Variants in KCNAB2 observed in about 807,000 individuals in gnomAD.
The protein encoded by KCNAB2 is potassium voltage-gated channel subfamily A regulatory beta subunit 2, also known as voltage-gated potassium channel subunit beta-2.
In KCNAB2, 29 loss-of-function variants were observed where a neutral mutation model predicts 63.6. That is an observed-to-expected ratio of 0.46 (90% CI 0.34 to 0.62). The LOEUF (loss-of-function observed/expected upper bound fraction) is 0.62, where lower values mean the gene tolerates loss of function less well. Ranked by LOEUF, KCNAB2 falls within the 20% of genes least tolerant of loss-of-function variation. The probability of loss-of-function intolerance (pLI) is 0.01; values close to 1 mark genes in which losing one functional copy is unlikely to be tolerated. For missense variants in KCNAB2, 359 were observed against 563.9 expected (o/e 0.64, Z 3.68); for synonymous variants, 222 against 224.2 (o/e 0.99, Z 0.09).
upstream of KCNAB2, among the ~76,000 whole-genome samples, chr1:6,045,433 G>A (rs1442620794): frequency 6.6e-6 from 1 of 152,188 alleles, no homozygotes; most frequent in Non-Finnish European, 1.5e-5. This position sits in a 1 kb window ranked among gnomAD's most constrained non-coding sequence, Gnocchi z 4.8. Flanking sequence ...CCCCAGGTCA[G>A]GACATGTGCC....
intron 12 of KCNAB2, 22 bp downstream of exon 12, chr1:6,095,465 G>A (rs374433459): frequency 2.3e-5 from 36 of 1,586,330 alleles, no homozygotes; most frequent in Middle Eastern, 3.4e-4. Flanking sequence ...CGGGCCCCTC[G>A]CCCCGCCCCA....
chr1:6,070,788 A>G (rs1270856131), intron 2 of KCNAB2, among the ~76,000 whole-genome samples: 1 of 151,900 alleles, frequency 6.6e-6, no homozygotes, highest in Non-Finnish European at 1.5e-5. Context: ...ACTCCATAAA[A>G]TGCCCGGTGT....
upstream of KCNAB2, chr1:6,041,826 C>T (rs1264557983): frequency 8.7e-6 from 14 of 1,612,592 alleles, no homozygotes; most frequent in Admixed American, 1.7e-5. Flanking sequence ...CATTGCTGTC[C>T]GAAGTACTCG....
chr1:6,100,349 C>A lies in KCNAB2; in HGVS notation c.*1775C>A. 1 of 269,476 alleles carries A rather than the reference C, an allele frequency of 3.7e-6. No individual in the cohort carries two copies. The highest frequency in any genetic ancestry group is 7.0e-6 in the Non-Finnish European group (1 of 143,732). 16.7% of individuals were successfully genotyped at this position (269,476 alleles called of 1,614,324 possible). A position where few individuals can be genotyped will look rare whatever the true frequency, so the allele number is the denominator to read the frequency against. ...CACTCAGTCCTGCTGCCTGCTTCAC[C>A]AGAAGCAGCCCTGTGAGTGTGGGGT... is the stretch of plus-strand genomic sequence containing the variant. On this transcript the variant is annotated 3_prime_UTR_variant, in exon 16 of 16. Coordinates refer to ENST00000378083, the MANE Select transcript of KCNAB2 (RefSeq NM_001199862.2).
In KCNAB2 at chr1:6,035,530, G is replaced by A. The variant is rs1027028099; in HGVS notation, c.-53+736G>A. Among the ~76,000 whole-genome samples the A allele has an allele frequency of 2.0e-5, 3 of 151,998 alleles. No individual in the cohort carries two copies. The highest frequency in any genetic ancestry group is 4.8e-5 in the African/African-American group (2 of 41,376). On this transcript the variant is annotated intron_variant, in intron 1 of 15. Transcript: ENST00000164247. This position sits in a 1 kb window ranked among gnomAD's most constrained non-coding sequence, Gnocchi z 5.0. ...CAGGGATGGATTGGATGTGGGAGGC[G>A]GGACGTGGGAGGAAGGGAGGAGTCG...
intron 1 of KCNAB2, among the ~76,000 whole-genome samples, chr1:6,005,905 C>T (rs1394650486): frequency 6.8e-6 from 1 of 147,544 alleles, no homozygotes; most frequent in Non-Finnish European, 1.5e-5. Flanking sequence ...CCTCACCCCT[C>T]AGCTCAGCTC....
upstream of KCNAB2, among the ~76,000 whole-genome samples, chr1:6,033,142 C>T (rs1472890747): frequency 3.9e-5 from 6 of 152,182 alleles, no homozygotes; most frequent in Admixed American, 1.3e-4. Flanking sequence ...AGGGGTGGAG[C>T]TCAGGGGATT....
intron 1 of KCNAB2, among the ~76,000 whole-genome samples, chr1:6,039,066 G>A (rs190599250): frequency 3.3e-5 from 5 of 152,326 alleles, no homozygotes; most frequent in African/African-American, 4.8e-5. Flanking sequence ...CCACAGACCC[G>A]TGTGCAGGCA....
At chr1:6,062,668 AC>A (rs964404288) in intron 2 of KCNAB2, among the ~76,000 whole-genome samples, 2 of 152,174 alleles carry the variant, frequency 1.3e-5, no homozygotes, top group Non-Finnish European at 2.9e-5. Flanking sequence ...GCGCACACAC[AC>A]TGTCTGAGCT....
At chr1:6,041,151 C>G (rs909912294), upstream of KCNAB2, 1 of 157,054 alleles carries the variant, frequency 6.4e-6, no homozygotes, top group African/African-American at 2.4e-5. Flanking sequence ...CCTTGTGGAA[C>G]TCACTTCCGC....
intron 1 of KCNAB2, among the ~76,000 whole-genome samples, chr1:6,001,325 CA>C: frequency 6.6e-6 from 1 of 151,936 alleles, no homozygotes; most frequent in African/African-American, 2.4e-5. Flanking sequence ...CACACACACA[CA>C]CACACTCTCC....
upstream of KCNAB2, among the ~76,000 whole-genome samples, chr1:6,043,421 C>T (rs956781687): frequency 1.3e-5 from 2 of 152,200 alleles, no homozygotes; most frequent in Non-Finnish European, 2.9e-5. Context: ...TCCCCCCCGC[C>T]GGGATCCCTG....
At chr1:6,094,608 C>CAGT in intron 11 of KCNAB2, 123 bp downstream of exon 11, 1 of 741,622 alleles carries the variant, frequency 1.3e-6, no homozygotes, top group Non-Finnish European at 2.3e-6. Flanking sequence ...TGCCTGGGTG[C>CAGT]TAAGGGAGGG....
chr1:6,064,725 C>T (rs750788493), intron 2 of KCNAB2, among the ~76,000 whole-genome samples: 24 of 152,160 alleles, frequency 1.6e-4, no homozygotes, highest in Non-Finnish European at 2.9e-4. Flanking sequence ...GCCTATCCCC[C>T]GTCACCCCAC....
At chr1:6,077,987 C>T (rs2100687736) in intron 4 of KCNAB2, among the ~76,000 whole-genome samples, 1 of 152,322 alleles carries the variant, frequency 6.6e-6, no homozygotes, top group African/African-American at 2.4e-5. Context: ...GTCCAGAGAT[C>T]CAAACTCGGT....
intron 1 of KCNAB2, among the ~76,000 whole-genome samples, chr1:5,993,087 G>A (rs1479690817): frequency 8.9e-6 from 1 of 111,842 alleles, no homozygotes; most frequent in East Asian, 3.2e-4. Flanking sequence ...CCCTCTTCCC[G>A]GTGCACCTCT....
rs1656781797 is a variant in KCNAB2 at position 5,994,192 on chromosome 1, C to G, written c.-53+1404C>G. ...CCCCGACAAAAACCCCAGCCTCACCCCTCCCCTTTCCCCCAGTGCCAAGAG... is the reference window on the plus strand; with the variant it reads ...CCCCGACAAAAACCCCAGCCTCACCGCTCCCCTTTCCCCCAGTGCCAAGAG... On this transcript the variant is annotated intron_variant, in intron 1 of 16. Coordinates refer to the KCNAB2 transcript ENST00000341524. The surrounding 1 kb of genome is among the most constrained non-coding windows in gnomAD (Gnocchi z 5.4). 6.6e-6 allele frequency among the ~76,000 whole-genome samples: 1 copy of G among 152,228 alleles called. No individual in the cohort carries two copies. Among genetic ancestry groups the G allele is most frequent in the Non-Finnish European group, 1.5e-5 (1 of 68,042 alleles).
chr1:6,047,158 G>A (rs955999938), intron 1 of KCNAB2, among the ~76,000 whole-genome samples: 5 of 152,180 alleles, frequency 3.3e-5, no homozygotes, highest in South Asian at 2.1e-4. Flanking sequence ...GAAAGCGGCC[G>A]GGATTTGGGA....
intron 1 of KCNAB2, 44 bp from the exon 2 acceptor site, chr1:6,051,467 C>T (rs928723090): frequency 5.2e-5 from 75 of 1,430,072 alleles, no homozygotes; most frequent in African/African-American, 2.7e-4. Context: ...GCCTGGGGCA[C>T]GTGGGGCATT....
Sources: allele counts gnomAD v4.1 joint callset (sites outside exome capture counted in the v4.1 genomes callset), GRCh38; gene constraint gnomAD v4.1.1; non-coding constraint Gnocchi (gnomAD v3.1); transcripts MANE v1.5; gene names NCBI Gene and HGNC (gene_info 2026-07-23, HGNC 2026-07-21).